Variants in MLXIP observed in about 807,000 individuals in gnomAD.
The protein encoded by MLXIP is MLX-interacting protein.
Under a neutral mutation model 87.2 loss-of-function variants are expected in MLXIP, and 30 were observed. The observed-to-expected ratio is 0.34, with a 90% confidence interval of 0.26 to 0.47. MLXIP has a LOEUF of 0.47. Among genes scored for constraint, MLXIP ranks in the 20% least tolerant of loss-of-function variants. MLXIP has a pLI of 1.00. For missense variants in MLXIP, 1,002 were observed against 1,240.1 expected, an observed-to-expected ratio of 0.81 and a Z score of 2.88; for synonymous variants, 530 against 514.0, an observed-to-expected ratio of 1.03 and a Z score of -0.42.
In MLXIP at chr12:122,137,772, C is replaced by A; in HGVS notation, c.2154+182C>A. ...AACCAGCCCTGTGGGGATGGTGGGC[C>A]CCCTGGAGGCTTTTGGGTGAGCCCC... is the stretch of plus-strand genomic sequence containing the variant. On this transcript the variant is annotated intron_variant, in intron 12 of 16. Coordinates refer to ENST00000319080, the MANE Select transcript of MLXIP (RefSeq NM_014938.6). The surrounding 1 kb of genome is among the most constrained non-coding windows in gnomAD (Gnocchi z 4.1). 2.0e-6 allele frequency: 1 copy of A among 501,622 alleles called. No individual in the cohort carries two copies. Among genetic ancestry groups the A allele is most frequent in the African/African-American group, 2.1e-5 (1 of 47,810 alleles). 31.1% of individuals were successfully genotyped at this position (501,622 alleles called of 1,614,324 possible).
chr12:122,127,138 G>T, intron 1 of MLXIP, 118 bp from the exon 2 acceptor site: 1 of 792,078 alleles, frequency 1.3e-6, no homozygotes. Flanking sequence ...GAAGCCGGGT[G>T]TATGGCTGGG....
chr12:122,081,935 T>C (rs1027346476), intron 1 of MLXIP, among the ~76,000 whole-genome samples: 1 of 152,184 alleles, frequency 6.6e-6, no homozygotes, highest in Non-Finnish European at 1.5e-5. Flanking sequence ...TGCTTTTTGT[T>C]GTTGTTGTTT....
intron 1 of MLXIP, among the ~76,000 whole-genome samples, chr12:122,126,341 C>A (rs891708982): frequency 1.3e-5 from 2 of 152,200 alleles, no homozygotes; most frequent in Non-Finnish European, 2.9e-5. Context: ...GACACTACTA[C>A]ATAAGAGCTC....
intron 1 of MLXIP, among the ~76,000 whole-genome samples, chr12:122,084,739 G>C (rs1321561980): frequency 6.6e-6 from 1 of 152,026 alleles, no homozygotes; most frequent in Non-Finnish European, 1.5e-5. Context: ...GTAGAGACAG[G>C]ATTTTGCCAT....
At chr12:122,097,336 C>T (rs1224672061) in intron 1 of MLXIP, among the ~76,000 whole-genome samples, 2 of 152,120 alleles carry the variant, frequency 1.3e-5, no homozygotes, top group Non-Finnish European at 2.9e-5. Context: ...AAAACATAAC[C>T]AGGGCCAGGT....
rs531116561 is a variant in MLXIP at position 122,097,212 on chromosome 12, C to G, written c.413+17946C>G. ...ACAGGGTCTCGCTCTGTCACCCAGG[C>G]TGGAGTGCAATGGTGTGATCACAGC... is the stretch of plus-strand genomic sequence containing the variant. On this transcript the variant is annotated intron_variant, in intron 1 of 16. Coordinates refer to ENST00000319080, the MANE Select transcript of MLXIP (RefSeq NM_014938.6). 1.7e-4 allele frequency among the ~76,000 whole-genome samples: 26 copies of G among 152,260 alleles called. No homozygotes were observed. In the South Asian group the frequency reaches 5.2e-3, roughly 30 times the overall value.
intron 1 of MLXIP, among the ~76,000 whole-genome samples, chr12:122,122,866 T>C (rs1593098547): frequency 1.3e-5 from 2 of 151,000 alleles, no homozygotes; most frequent in East Asian, 2.0e-4. Context: ...TTTTCTTTTT[T>C]TTTTTTTAAA....
At chr12:122,087,379 T>C (rs555845474) in intron 1 of MLXIP, among the ~76,000 whole-genome samples, 32 of 151,840 alleles carry the variant, frequency 2.1e-4, no homozygotes, top group African/African-American at 7.5e-4. Flanking sequence ...AGATGAAGGC[T>C]AGAGAGTACT....
intron 1 of MLXIP, among the ~76,000 whole-genome samples, chr12:122,094,695 TTGTGTGTGTGG>T (rs1952321092): frequency 7.1e-6 from 1 of 140,992 alleles, no homozygotes; most frequent in South Asian, 2.3e-4. Context: ...CTGTTGTGTG[TTGTGTGTGTGG>T]TGTGTTGTAT....
chr12:122,123,091 T>G (rs1315391974), intron 1 of MLXIP, among the ~76,000 whole-genome samples: 1 of 152,142 alleles, frequency 6.6e-6, no homozygotes. Context: ...TCCTTGAAGA[T>G]TGACGGGGCA....
chr12:122,127,391 G>A (rs770619787), intron 2 of MLXIP, 29 bp downstream of exon 2: 1 of 1,542,644 alleles, frequency 6.5e-7, no homozygotes, highest in Non-Finnish European at 8.8e-7. Flanking sequence ...GGGCGCCGGT[G>A]GTGGTCAGAA....
chr12:122,129,975 A>T lies in MLXIP; in HGVS notation c.773A>T (p.Asp258Val), dbSNP rs1952947896. ...ATGCTGTATTGGCACAAGCACGGGG[A>T]TGGATGGAAGACCCCCGTCCCCATG... ...DDMLYWHKHGDGWKTPVPMEE... is the reference protein window; with the variant it reads ...DDMLYWHKHGVGWKTPVPMEE... Residue 258 changes from aspartate to valine, a missense_variant, in exon 6 of 17, where the codon GAT (aspartate) becomes GTT (valine). Asp to Val is a radical substitution (Grantham distance 152). Transcript: ENST00000319080. The T allele has an allele frequency of 6.2e-7, 1 of 1,613,696 alleles. No individual in the cohort carries two copies. Among genetic ancestry groups the T allele is most frequent in the Non-Finnish European group, 8.5e-7 (1 of 1,179,830 alleles).
intron 1 of MLXIP, among the ~76,000 whole-genome samples, chr12:122,083,899 G>T (rs957940114): frequency 2.6e-5 from 4 of 152,162 alleles, no homozygotes; most frequent in African/African-American, 9.7e-5. Flanking sequence ...TTTCTCTTTT[G>T]CAGTCATACG....
chr12:122,128,997 T>C (rs965150699), intron 3 of MLXIP, 140 bp from the exon 4 acceptor site: 2 of 672,000 alleles, frequency 3.0e-6, no homozygotes, highest in Admixed American at 4.5e-5. Flanking sequence ...ACGTACTTTC[T>C]GAGTGATGTG....
chr12:122,141,676 C>A lies in MLXIP; in HGVS notation c.2639-15C>A. On this transcript the variant is annotated splice_polypyrimidine_tract_variant and intron_variant, in intron 16 of 16. Transcript: ENST00000319080. ...TCTGTGTCACTGCCTGTGTCTGACCCTTTCTGTCTTGCAGTGGTATTGAGC... is the reference window on the plus strand; with the variant it reads ...TCTGTGTCACTGCCTGTGTCTGACCATTTCTGTCTTGCAGTGGTATTGAGC... 6.2e-7 allele frequency: 1 copy of A among 1,612,936 alleles called. No homozygotes were observed.
At chr12:122,123,844 C>T (rs1369419221) in intron 1 of MLXIP, among the ~76,000 whole-genome samples, 2 of 152,156 alleles carry the variant, frequency 1.3e-5, no homozygotes, top group African/African-American at 2.4e-5. Flanking sequence ...GGACTACAGA[C>T]GCATGCCACC....
intron 1 of MLXIP, among the ~76,000 whole-genome samples, chr12:122,123,730 T>C (rs1408023107): frequency 6.6e-6 from 1 of 152,168 alleles, no homozygotes; most frequent in Non-Finnish European, 1.5e-5. Flanking sequence ...GAGACGGTCT[T>C]GCTCTTTCAC....
At chr12:122,113,960 C>T (rs1010968800) in intron 1 of MLXIP, among the ~76,000 whole-genome samples, 5 of 149,882 alleles carry the variant, frequency 3.3e-5, no homozygotes, top group African/African-American at 1.2e-4. Flanking sequence ...GCTGGGATTA[C>T]AGGCGTGAGC....
rs1368057094 is a variant in MLXIP at position 122,143,826 on chromosome 12, C to G, written c.*2014C>G. The G allele has an allele frequency of 6.6e-6, 1 of 152,382 alleles. No individual in the cohort carries two copies. The highest frequency in any genetic ancestry group is 1.5e-5 in the Non-Finnish European group (1 of 68,056). 9.4% of individuals were successfully genotyped at this position (152,382 alleles called of 1,614,324 possible). ...CCTCCTGCTGCTTCAGCCTACCTCT[C>G]CCTCTGCTGACTTAATGTCGTGATT... is the stretch of plus-strand genomic sequence containing the variant. On this transcript the variant is annotated 3_prime_UTR_variant, in exon 17 of 17. Coordinates refer to ENST00000319080, the MANE Select transcript of MLXIP (RefSeq NM_014938.6).
Sources: allele counts gnomAD v4.1 joint callset (sites outside exome capture counted in the v4.1 genomes callset), GRCh38; gene constraint gnomAD v4.1.1; non-coding constraint Gnocchi (gnomAD v3.1); transcripts MANE v1.5; gene names NCBI Gene and HGNC (gene_info 2026-07-23, HGNC 2026-07-21).